The following ELP1 variants were observed in gnomAD, a reference collection of about 807,000 sequenced individuals.
The protein encoded by ELP1 is elongator complex protein 1.
Under a neutral mutation model 183.2 loss-of-function variants are expected in ELP1, and 131 were observed. The ratio of observed to expected loss-of-function variants is 0.72; its 90% CI spans 0.62 to 0.83. The LOEUF (loss-of-function observed/expected upper bound fraction) is 0.83. ELP1 is among the 40% of genes least tolerant of loss of function. The pLI, the probability that ELP1 is intolerant of heterozygous loss-of-function variation, is 0.00. For missense variants in ELP1, 1,550 were observed against 1,594.9 expected, an observed-to-expected ratio of 0.97 and a Z score of 0.48; for synonymous variants, 555 against 569.0, an observed-to-expected ratio of 0.98 and a Z score of 0.35.
intron 12 of ELP1, among the ~76,000 whole-genome samples, chr9:108,910,556 T>C (rs1224727444): frequency 6.6e-6 from 1 of 152,186 alleles, no homozygotes; most frequent in Non-Finnish European, 1.5e-5. Flanking sequence ...CTAGAACACC[T>C]GTGTTGAGGT....
At chr9:108,881,260 A>T (rs1827919939) in intron 31 of ELP1, among the ~76,000 whole-genome samples, 2 of 152,212 alleles carry the variant, frequency 1.3e-5, no homozygotes, top group African/African-American at 4.8e-5. Context: ...CTGCATGCAT[A>T]CACACATTCA....
chr9:108,908,158 A>G, intron 13 of ELP1, 147 bp downstream of exon 13: 1 of 683,968 alleles, frequency 1.5e-6, no homozygotes, highest in East Asian at 2.7e-5. Flanking sequence ...TGGCTTCTCC[A>G]ATCAGATCCG....
At position 108,927,392 on chromosome 9, in the gene ELP1, T is replaced by A. The variant is rs767633275; in HGVS notation, c.365A>T (p.Glu122Val). ...CTTACCTGTGGCAAGAAGCACCAGC[T>A]CTTGGTCAGGACTCCAACTCATAAC... ...ISVMSWSPDQELVLLATGQQT... is the reference protein window; with the variant it reads ...ISVMSWSPDQVLVLLATGQQT... The change falls in exon 4 of 37, where the codon GAG becomes GTG. Residue 122 changes from glutamate to valine, a missense_variant. By Grantham distance (121) the Glu-to-Val change is moderately radical. Coordinates refer to ENST00000374647, the MANE Select transcript of ELP1 (RefSeq NM_003640.5). 20 of 1,613,768 alleles carry A rather than the reference T, an allele frequency of 1.2e-5. No individual in the cohort carries two copies. The highest frequency in any genetic ancestry group is 1.7e-5 in the Non-Finnish European group (20 of 1,179,720).
chr9:108,871,890 A>G (rs191280516), intron 36 of ELP1, among the ~76,000 whole-genome samples: 9 of 152,380 alleles, frequency 5.9e-5, no homozygotes, highest in Non-Finnish European at 1.0e-4. Flanking sequence ...GCCTGCTGGC[A>G]TAACTGCAGT....
intron 36 of ELP1, among the ~76,000 whole-genome samples, chr9:108,871,224 T>C (rs910119973): frequency 6.6e-5 from 10 of 152,058 alleles, no homozygotes; most frequent in African/African-American, 2.4e-4. Context: ...TTCTATAGAG[T>C]ACTGTTTGTA....
chr9:108,889,351 A>C lies in ELP1; in HGVS notation c.3203T>G (p.Val1068Gly). 2 of 1,614,130 alleles carry C rather than the reference A, an allele frequency of 1.2e-6. No individual in the cohort carries two copies. Among genetic ancestry groups the C allele is most frequent in the Non-Finnish European group, 1.7e-6 (2 of 1,179,980 alleles). ...GTTTACCTGGGCACACTCTTCCAAA[A>C]CCATGGCCGCATCAATGTGCTTCCT... ...EQRKHIDAAM[V>G]LEECAQDYEE... Residue 1068 changes from valine (V) to glycine (G), a missense_variant, in exon 29 of 37, where the codon GTT becomes GGT. Transcript: ENST00000374647.
chr9:108,872,949 G>A (rs1438076496), intron 36 of ELP1, among the ~76,000 whole-genome samples: 1 of 151,860 alleles, frequency 6.6e-6, no homozygotes, highest in African/African-American at 2.4e-5. Flanking sequence ...AGACTTTTGG[G>A]CAAGAAAGTA....
In ELP1 at chr9:108,927,337, T is replaced by TA. The variant is rs749765008; in HGVS notation, c.385+34dup. 5 of 1,549,080 alleles carry TA rather than the reference T, an allele frequency of 3.2e-6. No homozygotes were observed. The South Asian group carries it at 5.6e-5, about 17-fold the overall frequency. On this transcript the variant is annotated intron_variant, in intron 4 of 36. Coordinates refer to ENST00000374647, the MANE Select transcript of ELP1 (RefSeq NM_003640.5). ...CTGTAAGACATCTGGAATAATGTTT[T>TA]AAAAAAGCCAGTGAGGCACCAGTAA...
At chr9:108,918,298 A>C (rs943908713) in intron 8 of ELP1, among the ~76,000 whole-genome samples, 3 of 152,222 alleles carry the variant, frequency 2.0e-5, no homozygotes, top group Non-Finnish European at 4.4e-5. Flanking sequence ...TGTAACCTGC[A>C]CAAGGGTACT....
rs749837963 is a variant in ELP1, at chr9:108,906,446, C to G, written c.1500G>C (p.Pro500=). ...TCCAAGTGAGAAGGCCTAGTTTCAG[C>G]GGGTTTACATCTTGATCTTCATTAT... The part of the protein sequence containing the change: ...FENNEDQDVN[P]LKLGLLTWIE... The change falls in exon 14 of 37, where the codon CCG becomes CCC. Residue 500 remains proline (P), a synonymous_variant. Transcript: ENST00000374647. The G allele has an allele frequency of 6.2e-7, 1 of 1,613,894 alleles. No homozygotes were observed. Among genetic ancestry groups the G allele is most frequent in the South Asian group, 1.1e-5 (1 of 91,078 alleles).
chr9:108,915,897 A>C (rs1382020796), intron 10 of ELP1, among the ~76,000 whole-genome samples: 1 of 152,134 alleles, frequency 6.6e-6, no homozygotes, highest in South Asian at 2.1e-4. Flanking sequence ...AGTGTTCTGC[A>C]GGGTTGACTG....
In ELP1 at chr9:108,911,016, T is replaced by C. The variant is rs1829196071; in HGVS notation, c.1354A>G (p.Lys452Glu). The C allele has an allele frequency of 6.2e-7, 1 of 1,614,056 alleles. No individual in the cohort carries two copies. The highest frequency in any genetic ancestry group is 8.5e-7 in the Non-Finnish European group (1 of 1,179,946). ...CAAAAGTTTTATAACATACCACATT[T>C]ATAAACAGAAATCTGGTTACTGGCA... The part of the protein sequence containing the change: ...LDASNQISVY[K>E]CGDCPSADPT... The change falls in exon 12 of 37, where the codon AAA becomes GAA. Residue 452 changes from lysine (K) to glutamate (E), a missense_variant. Physicochemically the swap from Lys to Glu is moderately conservative, Grantham distance 56 (BLOSUM62 1). Transcript: ENST00000374647.
At chr9:108,931,527 A>G (rs1302687988) in intron 1 of ELP1, among the ~76,000 whole-genome samples, 3 of 152,210 alleles carry the variant, frequency 2.0e-5, no homozygotes, top group African/African-American at 7.2e-5. Context: ...ATGGGGAAAC[A>G]TTTTATTTTT....
chr9:108,912,158 C>A, intron 11 of ELP1, 106 bp downstream of exon 11: 2 of 894,498 alleles, frequency 2.2e-6, no homozygotes, highest in Admixed American at 1.9e-5. Flanking sequence ...ACCCAAACAG[C>A]CAAAACAAAT....
chr9:108,924,623 T>C (rs1157213481), intron 5 of ELP1, among the ~76,000 whole-genome samples: 3 of 152,204 alleles, frequency 2.0e-5, no homozygotes, highest in Non-Finnish European at 4.4e-5. Flanking sequence ...CTGTACAGCA[T>C]CTGCTCCCTG....
At chr9:108,917,110 G>A (rs1217466698) in intron 9 of ELP1, among the ~76,000 whole-genome samples, 1 of 152,052 alleles carries the variant, frequency 6.6e-6, no homozygotes, top group Non-Finnish European at 1.5e-5. Context: ...TCAGTTCTAG[G>A]AAGCCACCAT....
chr9:108,889,194 G>T, intron 29 of ELP1, 138 bp downstream of exon 29: 1 of 845,134 alleles, frequency 1.2e-6, no homozygotes, highest in Non-Finnish European at 2.1e-6. Context: ...AAGCCAGCAA[G>T]ATAAGACCTC....
rs1415210106 is a variant in ELP1 at position 108,882,214 on chromosome 9, C to T, written c.3223-27G>A. On this transcript the variant is annotated intron_variant, in intron 29 of 36. Coordinates refer to ENST00000374647, the MANE Select transcript of ELP1 (RefSeq NM_003640.5). ...TGACAAGGGAACAGGAAGAAGACAACAAGTGAAGAGAGCATGTCAGATGTC... is the reference window on the plus strand; with the variant it reads ...TGACAAGGGAACAGGAAGAAGACAATAAGTGAAGAGAGCATGTCAGATGTC... 4 of 1,604,498 alleles carry T rather than the reference C, an allele frequency of 2.5e-6. No homozygotes were observed. In the East Asian group the frequency reaches 6.7e-5, roughly 27 times the overall value.
At chr9:108,911,903 T>TA (rs530598594) in intron 11 of ELP1, among the ~76,000 whole-genome samples, 40 of 152,222 alleles carry the variant, frequency 2.6e-4, no homozygotes, top group African/African-American at 9.4e-4. Context: ...TGGGGTGGTA[T>TA]AAGGGTCAAT....
Sources: allele counts gnomAD v4.1 joint callset (sites outside exome capture counted in the v4.1 genomes callset), GRCh38; gene constraint gnomAD v4.1.1; transcripts MANE v1.5; gene names NCBI Gene and HGNC (gene_info 2026-07-23, HGNC 2026-07-21).